ERICH3: variants seen among roughly 807,000 people sequenced by gnomAD.
The protein encoded by ERICH3 is glutamate-rich protein 3.
In ERICH3, 126 loss-of-function variants were observed where a neutral mutation model predicts 131.1. The observed-to-expected ratio is 0.96, with a 90% CI of 0.83 to 1.11. The LOEUF (loss-of-function observed/expected upper bound fraction) is 1.11. ERICH3 is among the 50% of genes most tolerant of loss of function. ERICH3 has a pLI of 0.00. For missense variants in ERICH3, 2,050 were observed against 1,810.7 expected, an observed-to-expected ratio of 1.13 and a Z score of -2.40; for synonymous variants, 695 against 644.6, an observed-to-expected ratio of 1.08 and a Z score of -1.18.
At position 74,614,422 on chromosome 1, in the gene ERICH3, T is replaced by G. The variant is rs185117652; in HGVS notation, c.1001-1613A>C. On this transcript the variant is annotated intron_variant, in intron 8 of 14. Transcript: ENST00000326665. ...GGGCACGGTGGCTCACGCCTGTAAT[T>G]CCAGAGCACTTTGGGAGGCCGAGGC... Among the ~76,000 whole-genome samples, 53 of 148,364 alleles carry G rather than the reference T, an allele frequency of 3.6e-4. No homozygotes were observed. The East Asian group carries it at 9.1e-3, about 26-fold the overall frequency.
Position 74,606,780 on chromosome 1 carries a change from TACTC to T in ERICH3, c.1306_1309del (p.Glu436MetfsTer2). On this transcript the variant is annotated frameshift_variant, in exon 10 of 15. Transcript: ENST00000326665. LOFTEE classifies it high-confidence loss of function. ...GATCTCATTTCTTTTTGGTATCACA[TACTC>T]TCTCTCTTTCCTCACTTTCCCCTCA... The T allele has an allele frequency of 1.2e-6, 2 of 1,613,394 alleles. No individual in the cohort carries two copies. The highest frequency in any genetic ancestry group is 1.7e-6 in the Non-Finnish European group (2 of 1,179,564).
At chr1:74,636,096 A>AT (rs1646386680) in intron 6 of ERICH3, among the ~76,000 whole-genome samples, 184 bp downstream of exon 6, 1 of 152,176 alleles carries the variant, frequency 6.6e-6, no homozygotes. Context: ...AGTGACACAA[A>AT]TTACAGGCCT....
intron 1 of ERICH3, among the ~76,000 whole-genome samples, chr1:74,663,103 G>T (rs1646658082): frequency 6.6e-6 from 1 of 152,104 alleles, no homozygotes; most frequent in South Asian, 2.1e-4. Context: ...TCTGCATCTA[G>T]CTCAGGACTT....
chr1:74,646,232 C>A (rs1381602882), intron 3 of ERICH3, among the ~76,000 whole-genome samples: 1 of 151,966 alleles, frequency 6.6e-6, no homozygotes, highest in Non-Finnish European at 1.5e-5. Context: ...AATAACAGAT[C>A]TGAAATAATT....
At position 74,572,330 on chromosome 1, in the gene ERICH3, T is replaced by G; in HGVS notation, c.3380A>C (p.Glu1127Ala). Residue 1127 changes from glutamate to alanine, a missense_variant, in exon 14 of 15, where the codon GAG becomes GCG. By Grantham distance (107) the Glu-to-Ala change is moderately radical (BLOSUM62 -1). Transcript: ENST00000326665. ...APPNEMGSDAENEAPVEASEL... is the reference protein window; with the variant it reads ...APPNEMGSDAANEAPVEASEL... ...AGAAGCCTCCACAGGTGCTTCGTTC[T>G]CAGCATCAGATCCCATTTCATTTGG... is the stretch of plus-strand genomic sequence containing the variant. 6 of 1,613,796 alleles carry G rather than the reference T, an allele frequency of 3.7e-6. No individual in the cohort carries two copies. The highest frequency in any genetic ancestry group is 5.1e-6 in the Non-Finnish European group (6 of 1,179,992).
At chr1:74,608,392 G>C (rs913445935) in intron 9 of ERICH3, among the ~76,000 whole-genome samples, 1 of 151,948 alleles carries the variant, frequency 6.6e-6, no homozygotes, top group Non-Finnish European at 1.5e-5. Flanking sequence ...TGAATTTATA[G>C]TGGGCAGGTG....
chr1:74,600,032 C>T, intron 10 of ERICH3, 101 bp from the exon 11 acceptor site: 1 of 797,812 alleles, frequency 1.3e-6, no homozygotes, highest in Non-Finnish European at 2.0e-6. Flanking sequence ...CCTCTCTTCT[C>T]TGAGCCTTTC....
chr1:74,634,092 GTTTT>G (rs1340680734), intron 6 of ERICH3, among the ~76,000 whole-genome samples: 2 of 151,956 alleles, frequency 1.3e-5, no homozygotes, highest in East Asian at 3.9e-4. Context: ...AGCAATAAGA[GTTTT>G]TTGAGTGCTC....
intron 1 of ERICH3, among the ~76,000 whole-genome samples, chr1:74,668,607 T>C (rs1646713057): frequency 6.6e-6 from 1 of 152,184 alleles, no homozygotes; most frequent in South Asian, 2.1e-4. Context: ...TTAAATGACA[T>C]TGCCATAACA....
chr1:74,620,582 A>C, intron 8 of ERICH3, 152 bp downstream of exon 8: 1 of 594,052 alleles, frequency 1.7e-6, no homozygotes, highest in Non-Finnish European at 2.7e-6. Flanking sequence ...TAGAGCAGTA[A>C]ATCTAGATTT....
chr1:74,606,498 T>G (rs1648397693), intron 10 of ERICH3, 103 bp downstream of exon 10: 1 of 1,219,188 alleles, frequency 8.2e-7, no homozygotes, highest in Admixed American at 2.3e-5. Context: ...GTAACACAGC[T>G]GGGTAACATT....
intron 1 of ERICH3, among the ~76,000 whole-genome samples, chr1:74,655,160 T>C (rs1434894270): frequency 6.6e-6 from 1 of 152,194 alleles, no homozygotes; most frequent in Non-Finnish European, 1.5e-5. Context: ...CTCAAAAGCA[T>C]ACTTGTTTGA....
At chr1:74,632,759 A>G (rs558725024) in intron 6 of ERICH3, among the ~76,000 whole-genome samples, 2 of 152,088 alleles carry the variant, frequency 1.3e-5, no homozygotes, top group African/African-American at 4.8e-5. Flanking sequence ...ATTTCTTTTA[A>G]ATAATTTACG....
chr1:74,608,792 G>A (rs950161938), intron 9 of ERICH3, among the ~76,000 whole-genome samples: 1 of 152,048 alleles, frequency 6.6e-6, no homozygotes, highest in Non-Finnish European at 1.5e-5. Flanking sequence ...TTGGAGTAAA[G>A]GTGTCATGAA....
chr1:74,602,203 G>C lies in ERICH3; in HGVS notation c.1490-2272C>G, dbSNP rs561118336. Reference sequence around the variant, plus strand: ...GAACCACAAGAACAGTCCCAGCATCGTATTTTGTGTTTTCTCTCAAATATG... The same window carrying C: ...GAACCACAAGAACAGTCCCAGCATCCTATTTTGTGTTTTCTCTCAAATATG... On this transcript the variant is annotated intron_variant, in intron 10 of 14. Coordinates refer to ENST00000326665, the MANE Select transcript of ERICH3 (RefSeq NM_001002912.5). Among the ~76,000 whole-genome samples the C allele has an allele frequency of 1.8e-4, 27 of 151,806 alleles. 1 individual carries two copies. The highest frequency in any genetic ancestry group is 3.5e-4 in the Non-Finnish European group (24 of 67,876).
Position 74,618,147 on chromosome 1 carries a change from G to A in ERICH3, c.1000+2587C>T, listed in dbSNP as rs530157973. On this transcript the variant is annotated intron_variant, in intron 8 of 14. Transcript: ENST00000326665. ...ACTGCACTCTAGTCTGGGTGAGAGA[G>A]AGACTGTCTCTTAAAAAAGAAAAAA... Among the ~76,000 whole-genome samples the A allele has an allele frequency of 8.5e-5, 13 of 152,280 alleles. No individual in the cohort carries two copies. In the South Asian group the frequency reaches 2.7e-3, roughly 32 times the overall value.
intron 3 of ERICH3, among the ~76,000 whole-genome samples, chr1:74,645,637 T>G (rs1296512663): frequency 6.6e-6 from 1 of 152,070 alleles, no homozygotes; most frequent in African/African-American, 2.4e-5. Context: ...GTATTAATTT[T>G]ATGTTTTATT....
At position 74,641,442 on chromosome 1, in the gene ERICH3, C is replaced by A. The variant is rs149908894; in HGVS notation, c.333G>T (p.Arg111Ser). 18 of 1,611,102 alleles carry A rather than the reference C, an allele frequency of 1.1e-5. No homozygotes were observed. The highest frequency in any genetic ancestry group is 9.4e-5 in the African/African-American group (7 of 74,636). Residue 111 changes from arginine (R) to serine (S), a missense_variant, in exon 5 of 15, where the codon AGG (arginine) becomes AGT (serine). Arg to Ser is a moderately radical substitution (Grantham distance 110). Transcript: ENST00000326665. ...GGATTGGCATGTTATTTTCAACAGA[C>A]CTTCTTGTGTGCTCTCCCTAGAATA... is the stretch of plus-strand genomic sequence containing the variant. ...IQRFKGEHTR[R>S]SVENNMPILS...
chr1:74,571,151 G>T lies in ERICH3; in HGVS notation c.4559C>A (p.Thr1520Asn), dbSNP rs1276100952. 4.3e-6 allele frequency: 7 copies of T among 1,613,904 alleles called. No individual in the cohort carries two copies. The Admixed American group carries it at 6.7e-5, about 15-fold the overall frequency. Reference protein sequence around the residue: ...QQHMVQGESETADVSPNNVQV With the variant: ...QQHMVQGESENADVSPNNVQV ...CACGTTGTTGGGGGAAACATCTGCA[G>T]TCTCGCTTTCTCCTTGCACCATATG... The change falls in exon 14 of 15, where the codon ACT becomes AAT. Residue 1520 changes from threonine (T) to asparagine (N), a missense_variant. Transcript: ENST00000326665.
Sources: gnomAD v4.1 joint callset for allele counts (sites outside exome capture counted in the v4.1 genomes callset) on GRCh38, gnomAD v4.1.1 for gene constraint, MANE v1.5 for transcripts, NCBI Gene and HGNC (gene_info 2026-07-23, HGNC 2026-07-21) for gene names.